Variants in KCNA2 observed in about 807,000 individuals in gnomAD.
KCNA2 encodes the protein potassium channel, voltage gated shaker related subfamily A, member 2.
In KCNA2, 11 loss-of-function variants were observed where a neutral mutation model predicts 33.4. That is an observed-to-expected ratio of 0.33 (90% CI 0.21 to 0.55). The LOEUF (loss-of-function observed/expected upper bound fraction) is 0.55, where lower values mean the gene tolerates loss of function less well. KCNA2 is among the 20% of genes least tolerant of loss of function. The probability of loss-of-function intolerance (pLI) is 0.93; values close to 1 mark genes in which losing one functional copy is unlikely to be tolerated. For missense variants in KCNA2, 291 were observed against 621.6 expected (o/e 0.47, Z 5.66); for synonymous variants, 222 against 231.3 (o/e 0.96, Z 0.37).
intron 1 of KCNA2, among the ~76,000 whole-genome samples, chr1:110,621,591 GTATC>G (rs1382102742): frequency 3.4e-4 from 52 of 152,138 alleles, no homozygotes; most frequent in East Asian, 7.7e-4. Context: ...AAATAGATAA[GTATC>G]TAGCCAGTCT....
At chr1:110,610,022 G>A (rs1649816581), upstream of KCNA2, among the ~76,000 whole-genome samples, 2 of 152,190 alleles carry the variant, frequency 1.3e-5, no homozygotes, top group African/African-American at 4.8e-5. Flanking sequence ...CCCCTTTCCA[G>A]TTCTATGGTG....
intron 2 of KCNA2, among the ~76,000 whole-genome samples, 191 bp from the exon 3 acceptor site, chr1:110,605,136 C>G (rs1236803292): frequency 2.0e-5 from 3 of 152,192 alleles, no homozygotes; most frequent in Non-Finnish European, 4.4e-5. Flanking sequence ...AGCAATCTCT[C>G]CAGGAACCTC....
Position 110,600,563 on chromosome 1 carries a change from T to C in KCNA2, c.*2720A>G. ...ATTTTGCACGTTACATGTTTTATGT[T>C]TGTGTGTGACAACAGTGTACCTATT... On this transcript the variant is annotated 3_prime_UTR_variant, in exon 3 of 3. Transcript: ENST00000316361. 1 of 985,396 alleles carries C rather than the reference T, an allele frequency of 1.0e-6. No individual in the cohort carries two copies. The highest frequency in any genetic ancestry group is 1.2e-6 in the Non-Finnish European group (1 of 829,924). 61.0% of individuals were successfully genotyped at this position (985,396 alleles called of 1,614,324 possible).
chr1:110,623,052 A>G (rs1650300419), intron 1 of KCNA2, among the ~76,000 whole-genome samples: 2 of 152,366 alleles, frequency 1.3e-5, no homozygotes, highest in South Asian at 4.1e-4. Flanking sequence ...GGCTAATACT[A>G]TATTATTTCA....
In KCNA2 at chr1:110,620,540, G is replaced by A. The variant is rs184395848; in HGVS notation, c.-496+10855C>T. On this transcript the variant is annotated intron_variant, in intron 1 of 4. Coordinates refer to the KCNA2 transcript ENST00000369770. Reference sequence around the variant, plus strand: ...ACTTGGCAGAAGGCCAGAGAGGAGGGCTGGGCAGGGCAGGGTAGGGCATGA... The same window carrying A: ...ACTTGGCAGAAGGCCAGAGAGGAGGACTGGGCAGGGCAGGGTAGGGCATGA... Among the ~76,000 whole-genome samples, 60 of 152,322 alleles carry A rather than the reference G, an allele frequency of 3.9e-4. No individual in the cohort carries two copies. In the East Asian group the frequency reaches 5.8e-3, roughly 15 times the overall value.
At chr1:110,616,690 C>G (rs1490635482) in intron 1 of KCNA2, among the ~76,000 whole-genome samples, 2 of 152,204 alleles carry the variant, frequency 1.3e-5, no homozygotes, top group African/African-American at 4.8e-5. Flanking sequence ...CTTGGTGAGG[C>G]TGAGTGGCTT....
chr1:110,601,119 G>A lies in KCNA2; in HGVS notation c.*2164C>T, dbSNP rs1161635390. The A allele has an allele frequency of 1.5e-5, 15 of 985,292 alleles. No homozygotes were observed. The highest frequency in any genetic ancestry group is 6.1e-5 in the Admixed American group (1 of 16,270). 61.0% of individuals were successfully genotyped at this position (985,292 alleles called of 1,614,324 possible). A position where few individuals can be genotyped will look rare whatever the true frequency, so the allele number is the denominator to read the frequency against. ...CTCATTTGCACTCTACTTCTTCTGGGGGGTGGGAAATGATTCTTTACCCAT... is the reference window on the plus strand; with the variant it reads ...CTCATTTGCACTCTACTTCTTCTGGAGGGTGGGAAATGATTCTTTACCCAT... On this transcript the variant is annotated 3_prime_UTR_variant, in exon 3 of 3. Transcript: ENST00000316361.
chr1:110,620,994 G>C (rs928591353), intron 1 of KCNA2, among the ~76,000 whole-genome samples: 3 of 152,204 alleles, frequency 2.0e-5, no homozygotes, highest in Non-Finnish European at 4.4e-5. Flanking sequence ...TTGACATTCT[G>C]TTTTGCCTGG....
At chr1:110,617,189 C>A (rs1229295929) in intron 1 of KCNA2, among the ~76,000 whole-genome samples, 1 of 152,146 alleles carries the variant, frequency 6.6e-6, no homozygotes, top group Non-Finnish European at 1.5e-5. Context: ...TCTCCTGTAC[C>A]CCCAGTGCCT....
chr1:110,623,570 C>T (rs879606904), intron 1 of KCNA2, among the ~76,000 whole-genome samples: 4 of 152,092 alleles, frequency 2.6e-5, no homozygotes, highest in Admixed American at 2.6e-4. Flanking sequence ...CAAAAAATTA[C>T]TTTTTGTAGA....
chr1:110,620,047 CGAGAGCGA>C (rs1650202031), intron 1 of KCNA2, among the ~76,000 whole-genome samples: 1 of 68,948 alleles, frequency 1.5e-5, no homozygotes, highest in Non-Finnish European at 2.8e-5. Flanking sequence ...AGAGAGAGAG[CGAGAGCGA>C]GAGAGAGAGA....
chr1:110,609,141 G>C (rs1383520166), upstream of KCNA2, among the ~76,000 whole-genome samples: 1 of 152,126 alleles, frequency 6.6e-6, no homozygotes, highest in African/African-American at 2.4e-5. Flanking sequence ...CCAGCACCAA[G>C]GGGCTCTGTT....
chr1:110,596,757 A>C lies in KCNA2; in HGVS notation c.*6526T>G. 1 of 985,472 alleles carries C rather than the reference A, an allele frequency of 1.0e-6. No homozygotes were observed. Among genetic ancestry groups the C allele is most frequent in the South Asian group, 4.7e-5 (1 of 21,292 alleles). 61.0% of individuals were successfully genotyped at this position (985,472 alleles called of 1,614,324 possible). Reference sequence around the variant, plus strand: ...CTTTCCCATTCCCACTCAAATAACCAAAATTGCAAAGCAATCAGGATGTTC... The same window carrying C: ...CTTTCCCATTCCCACTCAAATAACCCAAATTGCAAAGCAATCAGGATGTTC... On this transcript the variant is annotated 3_prime_UTR_variant, in exon 3 of 3. Coordinates refer to ENST00000316361, the MANE Select transcript of KCNA2 (RefSeq NM_004974.4).
At chr1:110,629,859 G>A (rs1410868596) in intron 1 of KCNA2, among the ~76,000 whole-genome samples, 1 of 152,148 alleles carries the variant, frequency 6.6e-6, no homozygotes, top group Non-Finnish European at 1.5e-5. Context: ...TAAACACAGG[G>A]AAGTAAAAGC....
chr1:110,612,896 A>G (rs1420039976), intron 1 of KCNA2, among the ~76,000 whole-genome samples: 1 of 152,236 alleles, frequency 6.6e-6, no homozygotes, highest in Non-Finnish European at 1.5e-5. Context: ...TTGAAGTCAG[A>G]CAGGCCTGGG....
chr1:110,594,098 A>T lies in KCNA2; in HGVS notation c.*9185T>A, dbSNP rs1483793107. 15 of 1,412,140 alleles carry T rather than the reference A, an allele frequency of 1.1e-5. No individual in the cohort carries two copies. Among genetic ancestry groups the T allele is most frequent in the Non-Finnish European group, 1.4e-5 (15 of 1,088,980 alleles). The allele number at this position is 1,412,140 out of a possible 1,614,324, so 87.5% of individuals were successfully genotyped here. A position where few individuals can be genotyped will look rare whatever the true frequency, so the allele number is the denominator to read the frequency against. ...TACGAAGCTTTACCATCAGCCTTGGAGTTCCTTCTGCTATTGATCCCAAGG... is the reference window on the plus strand; with the variant it reads ...TACGAAGCTTTACCATCAGCCTTGGTGTTCCTTCTGCTATTGATCCCAAGG... On this transcript the variant is annotated 3_prime_UTR_variant, in exon 3 of 3. Coordinates refer to ENST00000316361, the MANE Select transcript of KCNA2 (RefSeq NM_004974.4).
chr1:110,614,197 C>T (rs1649976361), intron 1 of KCNA2, among the ~76,000 whole-genome samples: 1 of 152,176 alleles, frequency 6.6e-6, no homozygotes, highest in Non-Finnish European at 1.5e-5. Flanking sequence ...TCATTATTCC[C>T]AGGTCCTCAA....
rs2101372748 is a variant in KCNA2 at position 110,599,213 on chromosome 1, A to T, written c.*4070T>A. 1.0e-6 allele frequency: 1 copy of T among 985,466 alleles called. No individual in the cohort carries two copies. The highest frequency in any genetic ancestry group is 6.1e-5 in the Admixed American group (1 of 16,292). The allele number at this position is 985,466 out of a possible 1,614,324, so 61.0% of individuals were successfully genotyped here. A position where few individuals can be genotyped will look rare whatever the true frequency, so the allele number is the denominator to read the frequency against. On this transcript the variant is annotated 3_prime_UTR_variant, in exon 3 of 3. Coordinates refer to ENST00000316361, the MANE Select transcript of KCNA2 (RefSeq NM_004974.4). ...CAACTCTTTACTTCCGATGTAGGTG[A>T]AGCCTTTGCTAAAATGCACTCAGCT...
chr1:110,595,391 A>C lies in KCNA2; in HGVS notation c.*7892T>G, dbSNP rs2101353724. 2.0e-6 allele frequency: 2 copies of C among 985,440 alleles called. No individual in the cohort carries two copies. Among genetic ancestry groups the C allele is most frequent in the South Asian group, 9.4e-5 (2 of 21,290 alleles). The allele number at this position is 985,440 out of a possible 1,614,324, so 61.0% of individuals were successfully genotyped here. ...AACTGCCTCAGTGCACCAGCTGGTC[A>C]TGTCAAGTCTGGGTTATGGGCTTCT... On this transcript the variant is annotated 3_prime_UTR_variant, in exon 3 of 3. Coordinates refer to ENST00000316361, the MANE Select transcript of KCNA2 (RefSeq NM_004974.4).
Sources: allele counts gnomAD v4.1 joint callset (sites outside exome capture counted in the v4.1 genomes callset), GRCh38; gene constraint gnomAD v4.1.1; transcripts MANE v1.5; gene names NCBI Gene and HGNC (gene_info 2026-07-23, HGNC 2026-07-21).